The following SMARCA2 variants were observed in gnomAD, a reference collection of about 807,000 sequenced individuals.
SMARCA2 encodes SWI/SNF-related matrix-associated actin-dependent regulator of chromatin subfamily A member 2.
In SMARCA2, 61 loss-of-function variants were observed where a neutral mutation model predicts 199.8. That is an observed-to-expected ratio of 0.31 (90% CI 0.25 to 0.38). The LOEUF (loss-of-function observed/expected upper bound fraction) is 0.38, where lower values mean the gene tolerates loss of function less well. Ranked by LOEUF, SMARCA2 falls within the 10% of genes least tolerant of loss-of-function variation. The probability of loss-of-function intolerance (pLI) is 1.00; values close to 1 mark genes in which losing one functional copy is unlikely to be tolerated. For synonymous variants in SMARCA2, 935 were observed against 732.0 expected, an observed-to-expected ratio of 1.28 and a Z score of -4.48; for missense variants, 1,344 against 2,012.2, an observed-to-expected ratio of 0.67 and a Z score of 6.35.
chr9:2,026,702 C>A (rs1419058700), intron 1 of SMARCA2, among the ~76,000 whole-genome samples: 1 of 152,104 alleles, frequency 6.6e-6, no homozygotes, highest in Admixed American at 6.5e-5. Context: ...TAAGCAATTT[C>A]CTTTTATTCA....
chr9:2,181,467 G>A (rs1411923347), intron 29 of SMARCA2, 104 bp from the exon 30 acceptor site: 43 of 685,570 alleles, frequency 6.3e-5, no homozygotes, highest in Non-Finnish European at 1.0e-4. Flanking sequence ...ATCTATATGC[G>A]TGGAATATAA....
At chr9:2,026,955 A>G (rs1316816400) in intron 1 of SMARCA2, among the ~76,000 whole-genome samples, 1 of 152,218 alleles carries the variant, frequency 6.6e-6, no homozygotes, top group African/African-American at 2.4e-5. Flanking sequence ...CCTGTTGTTT[A>G]GAAGCCACTT....
chr9:2,039,801 CA>C lies in SMARCA2; in HGVS notation c.692del (p.Gln231ArgfsTer39). On this transcript the variant is annotated frameshift_variant, in exon 4 of 34. Coordinates refer to ENST00000349721, the MANE Select transcript of SMARCA2 (RefSeq NM_003070.5). LOFTEE classifies it high-confidence loss of function. This position sits in a 1 kb window ranked among gnomAD's most constrained non-coding sequence, Gnocchi z 4.8. ...QQQQQQQQQQ[Q>X]QQQQQQQPQQ... is the part of the protein sequence containing the mutation. ...ACAGCAGCAGCAGCAGCAGCAGCAGCAGCAGCAGCAGCAGCAACAGCAGCCG... is the reference window on the plus strand; with the variant it reads ...ACAGCAGCAGCAGCAGCAGCAGCAGCGCAGCAGCAGCAGCAACAGCAGCCG... The C allele has an allele frequency of 1.9e-6, 3 of 1,606,714 alleles. No individual in the cohort carries two copies. Among genetic ancestry groups the C allele is most frequent in the Admixed American group, 1.7e-5 (1 of 59,506 alleles).
chr9:2,185,547 A>AT (rs777291205), intron 31 of SMARCA2, among the ~76,000 whole-genome samples: 4 of 152,166 alleles, frequency 2.6e-5, no homozygotes, highest in African/African-American at 9.7e-5. Context: ...GCTGGATCAT[A>AT]TAGTAGTTCT....
At position 2,056,921 on chromosome 9, in the gene SMARCA2, G is replaced by T; in HGVS notation, c.1347+76G>T. The T allele has an allele frequency of 1.4e-6, 2 of 1,397,524 alleles. No individual in the cohort carries two copies. The highest frequency in any genetic ancestry group is 2.7e-5 in the South Asian group (2 of 74,996). The allele number at this position is 1,397,524 out of a possible 1,614,324, so 86.6% of individuals were successfully genotyped here. A position where few individuals can be genotyped will look rare whatever the true frequency, so the allele number is the denominator to read the frequency against. ...TGAATTCATCAAATGGGGTCAGAAT[G>T]ACTGAAAAATGGACCCTTGTGGGTG... is the stretch of plus-strand genomic sequence containing the variant. On this transcript the variant is annotated intron_variant, in intron 7 of 33. Coordinates refer to ENST00000349721, the MANE Select transcript of SMARCA2 (RefSeq NM_003070.5). The surrounding 1 kb of genome is among the most constrained non-coding windows in gnomAD (Gnocchi z 4.0).
intron 4 of SMARCA2, among the ~76,000 whole-genome samples, chr9:2,046,848 C>T (rs997698370): frequency 6.6e-6 from 1 of 152,118 alleles, no homozygotes; most frequent in Non-Finnish European, 1.5e-5. Context: ...AAGAAAGAAA[C>T]CCATTGCAGA....
At chr9:2,131,571 G>C (rs1008050112) in intron 27 of SMARCA2, among the ~76,000 whole-genome samples, 1 of 152,164 alleles carries the variant, frequency 6.6e-6, no homozygotes, top group Non-Finnish European at 1.5e-5. Flanking sequence ...CTGTCACCAG[G>C]TGACAGCCTG....
intron 27 of SMARCA2, among the ~76,000 whole-genome samples, chr9:2,125,100 C>T (rs571147713): frequency 6.6e-6 from 1 of 152,236 alleles, no homozygotes; most frequent in African/African-American, 2.4e-5. Flanking sequence ...ATACCAAAGG[C>T]AAACAGGTCT....
intron 27 of SMARCA2, among the ~76,000 whole-genome samples, chr9:2,126,555 A>G (rs1028716758): frequency 1.3e-5 from 2 of 152,262 alleles, no homozygotes; most frequent in Admixed American, 6.5e-5. Context: ...GATGTTCTCT[A>G]CTGGCTTATG....
At chr9:2,172,608 G>T (rs566071913) in intron 29 of SMARCA2, among the ~76,000 whole-genome samples, 1 of 152,244 alleles carries the variant, frequency 6.6e-6, no homozygotes, top group Admixed American at 6.5e-5. Flanking sequence ...AACAGATCCC[G>T]GAGGGCCTTG....
At position 2,086,826 on chromosome 9, in the gene SMARCA2, T is replaced by C. The variant is rs781267277; in HGVS notation, c.2527-3T>C. 3.4e-5 allele frequency: 55 copies of C among 1,613,966 alleles called. No homozygotes were observed. The highest frequency in any genetic ancestry group is 4.2e-5 in the Non-Finnish European group (49 of 1,179,990). ...CACGTCCGTCCTTCCTCTTGTGTTATAGATTCGGTGGAAATACATGATAGT... is the reference window on the plus strand; with the variant it reads ...CACGTCCGTCCTTCCTCTTGTGTTACAGATTCGGTGGAAATACATGATAGT... On this transcript the variant is annotated splice_polypyrimidine_tract_variant and splice_region_variant and intron_variant, in intron 17 of 33. Coordinates refer to ENST00000349721, the MANE Select transcript of SMARCA2 (RefSeq NM_003070.5). The surrounding 1 kb of genome is among the most constrained non-coding windows in gnomAD (Gnocchi z 4.3).
intron 27 of SMARCA2, among the ~76,000 whole-genome samples, chr9:2,126,820 G>C (rs1458978866): frequency 2.0e-5 from 3 of 152,222 alleles, no homozygotes. Context: ...GCCACCCCTA[G>C]AAGGAAAAAC....
chr9:2,121,731 G>A (rs899439714), intron 26 of SMARCA2, among the ~76,000 whole-genome samples: 3 of 152,126 alleles, frequency 2.0e-5, no homozygotes, highest in Non-Finnish European at 4.4e-5. Flanking sequence ...TTTAAAAAAA[G>A]CATGTCTTGC....
At chr9:2,190,674 T>G (rs752690287) in intron 32 of SMARCA2, among the ~76,000 whole-genome samples, 3 of 152,174 alleles carry the variant, frequency 2.0e-5, no homozygotes, top group Non-Finnish European at 4.4e-5. Flanking sequence ...TGGATGTACT[T>G]GCAGGTATGG....
At chr9:2,138,041 A>G (rs1035505493) in intron 27 of SMARCA2, among the ~76,000 whole-genome samples, 4 of 152,216 alleles carry the variant, frequency 2.6e-5, no homozygotes, top group African/African-American at 9.7e-5. Flanking sequence ...ATTTCAGAAC[A>G]TATTAATGAA....
intron 8 of SMARCA2, 130 bp from the exon 9 acceptor site, chr9:2,060,686 A>G: frequency 5.4e-6 from 4 of 744,992 alleles, no homozygotes; most frequent in Non-Finnish European, 8.7e-6. Flanking sequence ...TGGCTTGAAC[A>G]GCCCAACTCA....
intron 28 of SMARCA2, among the ~76,000 whole-genome samples, chr9:2,164,047 T>C (rs1256689240): frequency 2.6e-5 from 4 of 152,100 alleles, no homozygotes; most frequent in African/African-American, 4.8e-5. Context: ...CATGAAGAAG[T>C]GGCCATCCTT....
At chr9:2,061,009 C>T (rs760493692) in intron 9 of SMARCA2, 23 bp downstream of exon 9, 3 of 1,609,248 alleles carry the variant, frequency 1.9e-6, no homozygotes, top group South Asian at 2.2e-5. Context: ...GTGGTGGTGG[C>T]TGAGTCCAGG....
chr9:2,113,927 A>T (rs1216620199), intron 24 of SMARCA2, among the ~76,000 whole-genome samples: 1 of 152,234 alleles, frequency 6.6e-6, no homozygotes, highest in African/African-American at 2.4e-5. Flanking sequence ...TTTAAAGTAT[A>T]AATTAGAAAA....
Sources: allele counts gnomAD v4.1 joint callset (sites outside exome capture counted in the v4.1 genomes callset), GRCh38; gene constraint gnomAD v4.1.1; non-coding constraint Gnocchi (gnomAD v3.1); transcripts MANE v1.5; gene names NCBI Gene and HGNC (gene_info 2026-07-23, HGNC 2026-07-21).